DPP6: variants seen among roughly 807,000 people sequenced by gnomAD.
DPP6 encodes A-type potassium channel modulatory protein DPP6.
In DPP6, 69 loss-of-function variants were observed where a neutral mutation model predicts 122.6. The observed-to-expected ratio is 0.56, with a 90% CI of 0.46 to 0.69. The LOEUF is 0.69. Ranked by LOEUF, DPP6 falls within the 30% of genes least tolerant of loss-of-function variation. The pLI is 0.00. For missense variants in DPP6, 928 were observed against 1,116.9 expected (o/e 0.83, Z 2.41); for synonymous variants, 418 against 433.1 (o/e 0.97, Z 0.43).
chr7:154,242,606 G>A (rs79136884), intron 1 of DPP6, among the ~76,000 whole-genome samples: 7,578 of 152,292 alleles, frequency 0.05, 210 homozygotes, highest in African/African-American at 0.077. Context: ...AAGGAAACAT[G>A]AGAGGTGAGG....
chr7:154,699,526 C>T (rs566149406), intron 7 of DPP6, among the ~76,000 whole-genome samples: 1 of 152,342 alleles, frequency 6.6e-6, no homozygotes, highest in South Asian at 2.1e-4. Flanking sequence ...ATAAAGGCCC[C>T]GTGGCCCAGC....
intron 1 of DPP6, among the ~76,000 whole-genome samples, chr7:154,420,112 G>A (rs1391391513): frequency 2.0e-5 from 3 of 152,178 alleles, no homozygotes; most frequent in Non-Finnish European, 2.9e-5. Flanking sequence ...TGAGGCAGGC[G>A]GACCACCTGA....
chr7:154,297,643 T>C (rs1458004990), intron 1 of DPP6, among the ~76,000 whole-genome samples: 1 of 152,180 alleles, frequency 6.6e-6, no homozygotes, highest in Non-Finnish European at 1.5e-5. Context: ...AAAATAACAG[T>C]GCCCAGTACA....
chr7:154,524,975 G>T (rs985662914), intron 3 of DPP6, among the ~76,000 whole-genome samples: 10 of 152,156 alleles, frequency 6.6e-5, no homozygotes, highest in Admixed American at 1.3e-4. Context: ...TCATTTTGGG[G>T]AGAATGGTAC....
chr7:154,017,701 A>AG (rs1563104107), intron 1 of DPP6, among the ~76,000 whole-genome samples: 3 of 138,082 alleles, frequency 2.2e-5, no homozygotes, highest in Non-Finnish European at 4.6e-5. Flanking sequence ...CCTTGTCCTA[A>AG]AAAAAATAAA....
intron 1 of DPP6, among the ~76,000 whole-genome samples, chr7:154,221,368 T>C (rs964550262): frequency 6.6e-6 from 1 of 152,180 alleles, no homozygotes; most frequent in Non-Finnish European, 1.5e-5. Flanking sequence ...CTCAAACTCC[T>C]GACCTCAAAT....
chr7:154,566,542 C>T (rs572016220), intron 4 of DPP6, among the ~76,000 whole-genome samples: 34 of 152,146 alleles, frequency 2.2e-4, no homozygotes, highest in African/African-American at 8.0e-4. Context: ...CCACCCACCT[C>T]GGCCTCCCAA....
chr7:154,520,600 C>G (rs922196778), intron 3 of DPP6, among the ~76,000 whole-genome samples: 2 of 152,224 alleles, frequency 1.3e-5, no homozygotes, highest in Admixed American at 6.5e-5. Context: ...CTCAGCCTAT[C>G]CATTAGTCTT....
chr7:153,890,115 T>C (rs182637132), intron 1 of DPP6, among the ~76,000 whole-genome samples: 39 of 152,354 alleles, frequency 2.6e-4, no homozygotes, highest in African/African-American at 8.4e-4. Context: ...CTGAATGATT[T>C]ACTCCTATTA....
At chr7:154,884,197 C>CCTG (rs142329902) in intron 21 of DPP6, 47,408 of 146,848 alleles carry the variant, frequency 0.32, 7,912 homozygotes, top group East Asian at 0.5. Flanking sequence ...ATTACATACA[C>CCTG]CTCCCACATA....
chr7:154,244,286 A>G (rs1801832896), intron 1 of DPP6, among the ~76,000 whole-genome samples: 3 of 152,198 alleles, frequency 2.0e-5, no homozygotes, highest in African/African-American at 4.8e-5. Flanking sequence ...TAAATTTTAT[A>G]TAAAGCAAAA....
intron 1 of DPP6, among the ~76,000 whole-genome samples, chr7:154,197,939 G>C (rs79374753): frequency 0.032 from 4,884 of 152,192 alleles, 290 homozygotes; most frequent in African/African-American, 0.11. Context: ...GCCCACCCAG[G>C]AAAGGGCCTC....
chr7:154,079,181 CT>C (rs1182126637), intron 1 of DPP6, among the ~76,000 whole-genome samples: 1 of 152,146 alleles, frequency 6.6e-6, no homozygotes, highest in African/African-American at 2.4e-5. Context: ...GGGGACAGAG[CT>C]AGACTCCATC....
chr7:153,926,259 C>G (rs1281341819), intron 1 of DPP6, among the ~76,000 whole-genome samples: 1 of 152,126 alleles, frequency 6.6e-6, no homozygotes, highest in Non-Finnish European at 1.5e-5. Context: ...TAAATCACAT[C>G]GAAGTTTAAA....
chr7:153,941,292 G>T (rs73494392), intron 1 of DPP6, among the ~76,000 whole-genome samples: 3 of 152,162 alleles, frequency 2.0e-5, no homozygotes, highest in Non-Finnish European at 4.4e-5. Context: ...TGTGACCCAC[G>T]AATGCCATGT....
At chr7:154,381,023 C>T (rs1004816129) in intron 1 of DPP6, among the ~76,000 whole-genome samples, 23 of 152,174 alleles carry the variant, frequency 1.5e-4, no homozygotes, top group Admixed American at 2.6e-4. Flanking sequence ...TCTCAGTGTG[C>T]AGGCCTCTAG....
chr7:153,806,544 A>G, the DPP6 span, among the ~76,000 whole-genome samples: 1 of 151,644 alleles, frequency 6.6e-6, no homozygotes, highest in African/African-American at 2.4e-5. Flanking sequence ...GAGATTTCAT[A>G]TATACATTTT....
At chr7:154,281,547 C>T (rs1479712182) in intron 1 of DPP6, among the ~76,000 whole-genome samples, 1 of 152,158 alleles carries the variant, frequency 6.6e-6, no homozygotes, top group African/African-American at 2.4e-5. Flanking sequence ...TGTAAATTTA[C>T]ATACCTTGTG....
At chr7:154,436,599 T>C (rs1818888637) in intron 1 of DPP6, among the ~76,000 whole-genome samples, 1 of 152,200 alleles carries the variant, frequency 6.6e-6, no homozygotes, top group Non-Finnish European at 1.5e-5. Context: ...TGGTTAACCA[T>C]TGCTATTGTG....
Sources: allele counts gnomAD v4.1 joint callset (sites outside exome capture counted in the v4.1 genomes callset), GRCh38; gene constraint gnomAD v4.1.1; transcripts MANE v1.5; gene names NCBI Gene and HGNC (gene_info 2026-07-23, HGNC 2026-07-21).